NDRG4: variants seen among roughly 807,000 people sequenced by gnomAD.
NDRG4 encodes the protein protein NDRG4.
NDRG4 carries 38 observed loss-of-function variants against 55.8 expected under a neutral mutation model. The ratio of observed to expected loss-of-function variants is 0.68; its 90% CI spans 0.53 to 0.89. The LOEUF is 0.89. NDRG4 is among the 40% of genes least tolerant of loss of function. NDRG4 has a pLI of 0.00. For missense variants in NDRG4, 455 were observed against 468.6 expected, an observed-to-expected ratio of 0.97 and a Z score of 0.27; for synonymous variants, 190 against 182.7, an observed-to-expected ratio of 1.04 and a Z score of -0.32.
At chr16:58,508,142 C>T in intron 10 of NDRG4, 143 bp downstream of exon 10, 1 of 704,998 alleles carries the variant, frequency 1.4e-6, no homozygotes, top group Non-Finnish European at 2.3e-6. Context: ...TGTCCACTTT[C>T]CCACAGTCTT....
chr16:58,487,611 C>T (rs1388482348), intron 1 of NDRG4: 2 of 555,254 alleles, frequency 3.6e-6, no homozygotes, highest in Non-Finnish European at 3.1e-6. Flanking sequence ...CCTGGGGGCC[C>T]TAAGTGCCTG....
At chr16:58,479,551 C>T (rs2034141572) in intron 1 of NDRG4, among the ~76,000 whole-genome samples, 1 of 152,252 alleles carries the variant, frequency 6.6e-6, no homozygotes, top group African/African-American at 2.4e-5. Context: ...GTTGAACCCA[C>T]TGCCATCCAG....
intron 1 of NDRG4, chr16:58,501,419 C>T: frequency 4.5e-6 from 1 of 224,290 alleles, no homozygotes; most frequent in East Asian, 8.9e-5. Flanking sequence ...CAGTGCTTCC[C>T]GCCTGCGCCT....
chr16:58,504,586 C>T lies in NDRG4; in HGVS notation c.312-3C>T, dbSNP rs1012571507. ...CTAGAGTGACCAGCCTGCTCTGCAC[C>T]AGGTTCAAGTATGTGATTGGCATCG... On this transcript the variant is annotated splice_region_variant and splice_polypyrimidine_tract_variant and intron_variant, in intron 4 of 14. Coordinates refer to ENST00000570248, the MANE Select transcript of NDRG4 (RefSeq NM_001242835.2). 1.9e-6 allele frequency: 3 copies of T among 1,614,088 alleles called. No individual in the cohort carries two copies. In the African/African-American group the frequency reaches 4.0e-5, roughly 22 times the overall value.
chr16:58,503,100 C>T (rs568788608), intron 1 of NDRG4, among the ~76,000 whole-genome samples: 5 of 152,320 alleles, frequency 3.3e-5, no homozygotes, highest in Admixed American at 2.6e-4. Flanking sequence ...AGAACCAGGT[C>T]TTCCTGAGGA....
At chr16:58,504,949 C>T (rs2037659230) in intron 5 of NDRG4, among the ~76,000 whole-genome samples, 2 of 152,182 alleles carry the variant, frequency 1.3e-5, no homozygotes, top group African/African-American at 4.8e-5. Context: ...CAACTAACTG[C>T]TCTAGCCACT....
intron 1 of NDRG4, among the ~76,000 whole-genome samples, chr16:58,480,205 C>T (rs758448611): frequency 1.7e-4 from 26 of 152,238 alleles, no homozygotes; most frequent in Non-Finnish European, 3.8e-4. Flanking sequence ...ACTGCAACCT[C>T]TGCCTTCCAG....
intron 1 of NDRG4, chr16:58,501,999 C>T: frequency 4.4e-6 from 2 of 456,010 alleles, no homozygotes; most frequent in South Asian, 3.1e-5. Context: ...TGAGAGAACT[C>T]ACAGGTGGCT....
intron 14 of NDRG4, chr16:58,511,045 ACT>A (rs1235716572): frequency 1.1e-5 from 5 of 461,942 alleles, no homozygotes; most frequent in Admixed American, 3.6e-5. Context: ...TGCTTGTGAA[ACT>A]CTGAATTAGG....
At chr16:58,471,611 C>G (rs1046471826) in intron 1 of NDRG4, among the ~76,000 whole-genome samples, 1 of 152,168 alleles carries the variant, frequency 6.6e-6, no homozygotes, top group Non-Finnish European at 1.5e-5. Context: ...TCATACACCA[C>G]CCCCTCCCTG....
At chr16:58,485,293 T>C (rs67051373) in intron 1 of NDRG4, among the ~76,000 whole-genome samples, 17,837 of 152,220 alleles carry the variant, frequency 0.12, 1,322 homozygotes, top group Non-Finnish European at 0.16. Flanking sequence ...CTGTCTGTTT[T>C]TCATGGGCTG....
downstream of NDRG4, chr16:58,515,357 A>G (rs1167268906): frequency 7.7e-6 from 5 of 645,890 alleles, no homozygotes; most frequent in East Asian, 9.9e-5. Flanking sequence ...CGTGAGTGCA[A>G]TTGGAGATCC....
chr16:58,504,780 T>A (rs1399878465), intron 5 of NDRG4, 131 bp downstream of exon 5: 3 of 885,680 alleles, frequency 3.4e-6, no homozygotes, highest in Non-Finnish European at 5.3e-6. Flanking sequence ...TCCCACCTCC[T>A]CTTTATGTAG....
rs1485470887 is a variant in NDRG4 at position 58,500,961 on chromosome 16, G to C, written c.21+692G>C. The C allele has an allele frequency of 4.1e-6, 5 of 1,232,000 alleles. No homozygotes were observed. In the East Asian group the frequency reaches 1.3e-4, roughly 31 times the overall value. The allele number at this position is 1,232,000 out of a possible 1,614,324, so 76.3% of individuals were successfully genotyped here. A position where few individuals can be genotyped will look rare whatever the true frequency, so the allele number is the denominator to read the frequency against. On this transcript the variant is annotated intron_variant, in intron 1 of 14. Coordinates refer to ENST00000570248, the MANE Select transcript of NDRG4 (RefSeq NM_001242835.2). Reference sequence around the variant, plus strand: ...GTCCCTGCTGGGGAGGAACGAGGAGGGGTTGCCTGCCTGCCTTATTTTGTA... The same window carrying C: ...GTCCCTGCTGGGGAGGAACGAGGAGCGGTTGCCTGCCTGCCTTATTTTGTA...
intron 1 of NDRG4, chr16:58,475,691 T>C (rs1294460952): frequency 4.4e-6 from 2 of 455,686 alleles, no homozygotes; most frequent in South Asian, 1.6e-5. Context: ...ATCACTACTA[T>C]GCCACCTTTA....
At chr16:58,482,135 G>A (rs566601136) in intron 1 of NDRG4, among the ~76,000 whole-genome samples, 11 of 152,226 alleles carry the variant, frequency 7.2e-5, no homozygotes, top group Admixed American at 3.3e-4. Flanking sequence ...CCATGTTACG[G>A]ACCCCTCCCC....
chr16:58,494,068 C>T (rs1385507361), intron 2 of NDRG4, among the ~76,000 whole-genome samples: 1 of 152,190 alleles, frequency 6.6e-6, no homozygotes, highest in Non-Finnish European at 1.5e-5. Context: ...TCTCTCCCCT[C>T]ATCGGTGAAG....
chr16:58,511,762 C>A lies in NDRG4; in HGVS notation c.*186C>A. 1.4e-6 allele frequency: 1 copy of A among 733,682 alleles called. No homozygotes were observed. Among genetic ancestry groups the A allele is most frequent in the Non-Finnish European group, 2.3e-6 (1 of 425,936 alleles). 45.4% of individuals were successfully genotyped at this position (733,682 alleles called of 1,614,324 possible). On this transcript the variant is annotated 3_prime_UTR_variant, in exon 15 of 15. Transcript: ENST00000570248. ...CAGGTGTTTTAAGGGGCTCAGTCCTCCTCATCCCATCTCACTCTCCGTGGT... is the reference window on the plus strand; with the variant it reads ...CAGGTGTTTTAAGGGGCTCAGTCCTACTCATCCCATCTCACTCTCCGTGGT...
In NDRG4 at chr16:58,464,466, A is replaced by G. The variant is rs2031173127; in HGVS notation, c.-24+669A>G. 2 of 1,329,624 alleles carry G rather than the reference A, an allele frequency of 1.5e-6. No homozygotes were observed. The highest frequency in any genetic ancestry group is 1.5e-5 in the African/African-American group (1 of 64,940). 82.4% of individuals were successfully genotyped at this position (1,329,624 alleles called of 1,614,324 possible). The stretch of plus-strand genomic sequence containing the variant: ...TGGGACACCGGCTGGAGCTGCTCAC[A>G]GGTACCGCCCGCCTGCCCCGCAGCC... On this transcript the variant is annotated intron_variant, in intron 1 of 15. Coordinates refer to the NDRG4 transcript ENST00000258187. The surrounding 1 kb of genome is among the most constrained non-coding windows in gnomAD (Gnocchi z 4.8).
Sources: allele counts gnomAD v4.1 joint callset (sites outside exome capture counted in the v4.1 genomes callset), GRCh38; gene constraint gnomAD v4.1.1; non-coding constraint Gnocchi (gnomAD v3.1); transcripts MANE v1.5; gene names NCBI Gene and HGNC (gene_info 2026-07-23, HGNC 2026-07-21).